The following NID1 variants were observed in gnomAD, a reference collection of about 807,000 sequenced individuals.
NID1 encodes the protein nidogen-1.
Under a neutral mutation model 130.6 loss-of-function variants are expected in NID1, and 76 were observed. The ratio of observed to expected loss-of-function variants is 0.58; its 90% CI spans 0.48 to 0.70. The LOEUF (loss-of-function observed/expected upper bound fraction) is 0.70. Ranked by LOEUF, NID1 falls within the 30% of genes least tolerant of loss-of-function variation. The probability of loss-of-function intolerance (pLI) is 0.00; values close to 1 mark genes in which losing one functional copy is unlikely to be tolerated. For missense variants in NID1, 1,517 were observed against 1,664.8 expected (o/e 0.91, Z 1.54); for synonymous variants, 665 against 675.1 (o/e 0.98, Z 0.23).
intron 1 of NID1, among the ~76,000 whole-genome samples, chr1:236,064,231 C>T (rs1432509640): frequency 6.6e-6 from 1 of 152,190 alleles, no homozygotes. Flanking sequence ...CGTTTGGGGC[C>T]TCCGTGGTGA....
At chr1:236,036,769 C>T (rs1163008001) in intron 5 of NID1, among the ~76,000 whole-genome samples, 3 of 152,156 alleles carry the variant, frequency 2.0e-5, no homozygotes, top group Non-Finnish European at 2.9e-5. Context: ...AAGAGAGACC[C>T]GACCCAGGAT....
At position 235,980,728 on chromosome 1, in the gene NID1, T is replaced by C. The variant is rs150940308; in HGVS notation, c.3228-75A>G. 4.1e-6 allele frequency: 6 copies of C among 1,458,500 alleles called. No individual in the cohort carries two copies. The African/African-American group carries it at 8.4e-5, about 20-fold the overall frequency. 90.3% of individuals were successfully genotyped at this position (1,458,500 alleles called of 1,614,324 possible). A position where few individuals can be genotyped will look rare whatever the true frequency, so the allele number is the denominator to read the frequency against. ...TGAGAAAAAGTTTATGAAAAACACT[T>C]GAAAAGAATTACAATGAAGTGATTG... On this transcript the variant is annotated intron_variant, in intron 16 of 19. Coordinates refer to ENST00000264187, the MANE Select transcript of NID1 (RefSeq NM_002508.3).
intron 4 of NID1, among the ~76,000 whole-genome samples, chr1:236,038,968 T>C (rs7521426): frequency 0.47 from 54,021 of 115,244 alleles, 11,694 homozygotes; most frequent in South Asian, 0.57. Flanking sequence ...TATGTGTAAC[T>C]ATATATGTAA....
At chr1:236,037,728 T>C (rs1477863486) in intron 5 of NID1, among the ~76,000 whole-genome samples, 11 of 151,690 alleles carry the variant, frequency 7.3e-5, no homozygotes, top group Middle Eastern at 3.4e-3. Context: ...AAAAAATACA[T>C]GAAAGAGATT....
rs1164925525 is a variant in NID1 at position 236,013,431 on chromosome 1, C to T, written c.2384G>A (p.Gly795Glu). 2.5e-6 allele frequency: 4 copies of T among 1,613,822 alleles called. No homozygotes were observed. Among genetic ancestry groups the T allele is most frequent in the African/African-American group, 1.3e-5 (1 of 74,906 alleles). ...CACACCTTGGCAGGCTTGGCCATCC[C>T]CAGAAAAGCCTGGCAAGCAGGAACA... Reference protein sequence around the residue: ...YTCSCLPGFSGDGQACQDVDE... With the variant: ...YTCSCLPGFSEDGQACQDVDE... The change falls in exon 11 of 20, where the codon GGG becomes GAG. Residue 795 changes from glycine to glutamate, a missense_variant. Transcript: ENST00000264187.
chr1:235,993,496 A>G (rs1657823220), intron 13 of NID1, 149 bp downstream of exon 13: 2 of 685,798 alleles, frequency 2.9e-6, no homozygotes, highest in Non-Finnish European at 2.4e-6. Flanking sequence ...GTGAGAGGGA[A>G]GAAGGGTGCA....
At chr1:236,057,248 G>C (rs1352970010) in intron 1 of NID1, among the ~76,000 whole-genome samples, 1 of 152,128 alleles carries the variant, frequency 6.6e-6, no homozygotes, top group Admixed American at 6.5e-5. Context: ...GACAGAGAGA[G>C]AATCCATCTC....
chr1:236,025,263 CTTTT>C (rs750410998), intron 8 of NID1, among the ~76,000 whole-genome samples: 1 of 123,744 alleles, frequency 8.1e-6, no homozygotes, highest in East Asian at 2.9e-4. Context: ...TACAATTTCT[CTTTT>C]TTTTTTTTTT....
chr1:235,978,114 T>C, intron 19 of NID1, 126 bp from the exon 20 acceptor site: 4 of 1,115,958 alleles, frequency 3.6e-6, no homozygotes, highest in Non-Finnish European at 5.1e-6. Context: ...CTAGGAAGGC[T>C]TCAGGAGAAT....
intron 4 of NID1, among the ~76,000 whole-genome samples, chr1:236,040,752 C>A (rs1659428245): frequency 6.6e-6 from 1 of 152,044 alleles, no homozygotes; most frequent in South Asian, 2.1e-4. Flanking sequence ...CAACCTCCAC[C>A]TCTCAGGTTC....
At chr1:235,990,383 C>T (rs1472703439) in intron 14 of NID1, among the ~76,000 whole-genome samples, 1 of 152,162 alleles carries the variant, frequency 6.6e-6, no homozygotes, top group Non-Finnish European at 1.5e-5. Flanking sequence ...CTCAGACCCT[C>T]CCCTCTCCTT....
chr1:236,024,323 G>A (rs1658860626), intron 8 of NID1, 110 bp from the exon 9 acceptor site: 1 of 1,316,264 alleles, frequency 7.6e-7, no homozygotes, highest in African/African-American at 1.5e-5. Flanking sequence ...GATCACAGAA[G>A]AGCAGAGTGG....
chr1:236,017,912 A>C (rs1196486762), intron 9 of NID1, among the ~76,000 whole-genome samples: 1 of 152,186 alleles, frequency 6.6e-6, no homozygotes, highest in East Asian at 1.9e-4. Flanking sequence ...GAATACTGAG[A>C]GTCTCTGAAT....
intron 1 of NID1, among the ~76,000 whole-genome samples, chr1:236,051,260 C>T (rs1000644590): frequency 4.0e-5 from 6 of 149,234 alleles, no homozygotes; most frequent in African/African-American, 1.2e-4. Context: ...TCCCCCTCCC[C>T]CTGCCCCTCC....
In NID1 at chr1:236,063,340, C is replaced by T. The variant is rs574109265; in HGVS notation, c.225+1515G>A. Among the ~76,000 whole-genome samples the T allele has an allele frequency of 2.5e-4, 37 of 150,182 alleles. No individual in the cohort carries two copies. The South Asian group carries it at 7.2e-3, about 29-fold the overall frequency. ...TACAAAAATTAGCCAAGTGTGGTGGCAGTCATCTGTAATCCCAGCTACTCA... is the reference window on the plus strand; with the variant it reads ...TACAAAAATTAGCCAAGTGTGGTGGTAGTCATCTGTAATCCCAGCTACTCA... On this transcript the variant is annotated intron_variant, in intron 1 of 19. Coordinates refer to ENST00000264187, the MANE Select transcript of NID1 (RefSeq NM_002508.3).
At chr1:235,991,878 G>T (rs920979830) in intron 13 of NID1, among the ~76,000 whole-genome samples, 1 of 152,194 alleles carries the variant, frequency 6.6e-6, no homozygotes, top group Non-Finnish European at 1.5e-5. Flanking sequence ...GTGCCACAGG[G>T]ATGGGAGAGC....
intron 6 of NID1, 120 bp from the exon 7 acceptor site, chr1:236,029,870 T>C: frequency 1.1e-6 from 1 of 882,598 alleles, no homozygotes. Flanking sequence ...TTGGTTTGGC[T>C]GTAGAACATA....
chr1:235,995,178 C>A (rs971998260), intron 12 of NID1, among the ~76,000 whole-genome samples: 2 of 152,170 alleles, frequency 1.3e-5, no homozygotes, highest in African/African-American at 4.8e-5. Flanking sequence ...TGTGTTTGTA[C>A]TGAACATGAA....
intron 15 of NID1, among the ~76,000 whole-genome samples, chr1:235,982,263 AGGCTGGATGGT>A (rs1178582405): frequency 1.3e-5 from 2 of 152,192 alleles, no homozygotes; most frequent in African/African-American, 4.8e-5. Context: ...GTATAAAGGA[AGGCTGGATGGT>A]GGCTTAAAGT....
Sources: gnomAD v4.1 joint callset for allele counts (sites outside exome capture counted in the v4.1 genomes callset) on GRCh38, gnomAD v4.1.1 for gene constraint, MANE v1.5 for transcripts, NCBI Gene and HGNC (gene_info 2026-07-23, HGNC 2026-07-21) for gene names.